KMT2E: variants seen among roughly 807,000 people sequenced by gnomAD.
KMT2E encodes lysine methyltransferase 2E (inactive).
KMT2E carries 30 observed loss-of-function variants against 184.6 expected under a neutral mutation model. That is an observed-to-expected ratio of 0.16 (90% CI 0.12 to 0.22). The LOEUF (loss-of-function observed/expected upper bound fraction) is 0.22, where lower values mean the gene tolerates loss of function less well. Ranked by LOEUF, KMT2E falls within the 10% of genes least tolerant of loss-of-function variation. The pLI, the probability that KMT2E is intolerant of heterozygous loss-of-function variation, is 1.00. For synonymous variants in KMT2E, 815 were observed against 776.5 expected (o/e 1.05, Z -0.82); for missense variants, 2,023 against 2,237.4 (o/e 0.90, Z 1.93).
intron 6 of KMT2E, among the ~76,000 whole-genome samples, chr7:105,069,053 A>G (rs1445344110): frequency 6.6e-6 from 1 of 152,162 alleles, no homozygotes; most frequent in Non-Finnish European, 1.5e-5. Flanking sequence ...CTTCATGGCA[A>G]AGAAGATATC....
At chr7:105,057,743 C>T (rs549840906) in intron 3 of KMT2E, among the ~76,000 whole-genome samples, 26 of 152,264 alleles carry the variant, frequency 1.7e-4, no homozygotes, top group African/African-American at 5.1e-4. Context: ...TGAGCCACTG[C>T]GCCCAGCCTC....
rs992371359 is a variant in KMT2E, at chr7:105,099,322, A to G, written c.1723-2103A>G. 5.9e-5 allele frequency among the ~76,000 whole-genome samples: 9 copies of G among 152,336 alleles called. No homozygotes were observed. In the East Asian group the frequency reaches 1.2e-3, roughly 20 times the overall value. Reference sequence around the variant, plus strand: ...AAACCAGGAAACCTGCATAACCTGCATAGTAATTATGGCTCTGCTTTTGAA... The same window carrying G: ...AAACCAGGAAACCTGCATAACCTGCGTAGTAATTATGGCTCTGCTTTTGAA... On this transcript the variant is annotated intron_variant, in intron 15 of 26. Transcript: ENST00000311117.
Position 105,112,787 on chromosome 7 carries a change from A to ACCG in KMT2E, c.5033_5034insGCC (p.Pro1684dup). On this transcript the variant is annotated inframe_insertion, in exon 27 of 27. Coordinates refer to ENST00000311117, the MANE Select transcript of KMT2E (RefSeq NM_182931.3). ...ATTCTCAAACTGCTGGACACCACTT[A>ACCG]CCCCCACCCCCACCCCCTCCTGGTC... The ACCG allele has an allele frequency of 1.4e-6, 2 of 1,462,798 alleles. No individual in the cohort carries two copies. The highest frequency in any genetic ancestry group is 1.9e-6 in the Non-Finnish European group (2 of 1,080,390). 90.6% of individuals were successfully genotyped at this position (1,462,798 alleles called of 1,614,324 possible).
At chr7:105,091,858 C>T (rs1035305965) in intron 15 of KMT2E, among the ~76,000 whole-genome samples, 5 of 152,070 alleles carry the variant, frequency 3.3e-5, no homozygotes, top group Admixed American at 3.3e-4. Flanking sequence ...AAAATTAGGA[C>T]AGGATATTTT....
intron 3 of KMT2E, chr7:105,061,844 T>A (rs1284420816): frequency 5.0e-6 from 1 of 199,462 alleles, no homozygotes; most frequent in Admixed American, 5.7e-5. Context: ...TTCTACTACT[T>A]CTTTGCACCC....
intron 1 of KMT2E, among the ~76,000 whole-genome samples, chr7:105,017,629 C>T (rs1794774097): frequency 6.6e-6 from 1 of 151,592 alleles, no homozygotes; most frequent in South Asian, 2.1e-4. Context: ...ATTTTTGTTC[C>T]CAGAGAGTTT....
intron 7 of KMT2E, 32 bp downstream of exon 7, chr7:105,073,709 T>C (rs746995762): frequency 7.4e-6 from 10 of 1,344,814 alleles, no homozygotes; most frequent in Non-Finnish European, 9.6e-6. Flanking sequence ...TAAATTAAAA[T>C]TCGTGTGATT....
At chr7:105,077,539 C>A in intron 11 of KMT2E, 106 bp downstream of exon 11, 1 of 829,028 alleles carries the variant, frequency 1.2e-6, no homozygotes, top group Non-Finnish European at 1.9e-6. Flanking sequence ...CCTACATGAT[C>A]ATTTCAGTAT....
rs1796917049 is a variant in KMT2E at position 105,063,804 on chromosome 7, T to G, written c.416+224T>G. 4 of 525,928 alleles carry G rather than the reference T, an allele frequency of 7.6e-6. No individual in the cohort carries two copies. In the Admixed American group the frequency reaches 1.4e-4, roughly 19 times the overall value. 32.6% of individuals were successfully genotyped at this position (525,928 alleles called of 1,614,324 possible). ...AATAGACAGTCAGTTCTGAACTTTTTTTCATGTAGGATCACATTTTTCTGT... is the reference window on the plus strand; with the variant it reads ...AATAGACAGTCAGTTCTGAACTTTTGTTCATGTAGGATCACATTTTTCTGT... On this transcript the variant is annotated intron_variant, in intron 5 of 26. Coordinates refer to ENST00000311117, the MANE Select transcript of KMT2E (RefSeq NM_182931.3).
chr7:105,056,191 G>A (rs113945035), intron 3 of KMT2E, among the ~76,000 whole-genome samples: 1,907 of 151,806 alleles, frequency 0.013, 14 homozygotes, highest in Non-Finnish European at 0.02. Flanking sequence ...TTGGAGCTAG[G>A]AAAAAAAATT....
Position 105,112,581 on chromosome 7 carries a change from T to A in KMT2E, c.4825T>A (p.Phe1609Ile). 6.2e-7 allele frequency: 1 copy of A among 1,613,946 alleles called. No homozygotes were observed. The highest frequency in any genetic ancestry group is 8.5e-7 in the Non-Finnish European group (1 of 1,179,974). The change falls in exon 27 of 27, where the codon TTT becomes ATT. Residue 1609 changes from phenylalanine (F) to isoleucine (I), a missense_variant. Phe to Ile is a conservative substitution (Grantham distance 21, BLOSUM62 0). Coordinates refer to ENST00000311117, the MANE Select transcript of KMT2E (RefSeq NM_182931.3). Reference protein sequence around the residue: ...VPGHHVTPGHFLPSQNPTIHH... With the variant: ...VPGHHVTPGHILPSQNPTIHH... ...AGGACACCACGTGACTCCAGGGCAT[T>A]TTTTGCCCTCTCAGAACCCTACCAT... is the stretch of plus-strand genomic sequence containing the variant.
chr7:105,106,185 A>G lies in KMT2E; in HGVS notation c.2596+182A>G, dbSNP rs543272753. ...AAGATACCAGTTCACAATACCACGT[A>G]TGCTGGGGTTTATGAATATTTAAAG... is the stretch of plus-strand genomic sequence containing the variant. On this transcript the variant is annotated intron_variant, in intron 19 of 26. Coordinates refer to ENST00000311117, the MANE Select transcript of KMT2E (RefSeq NM_182931.3). Among the ~76,000 whole-genome samples the G allele has an allele frequency of 6.6e-5, 10 of 152,300 alleles. No individual in the cohort carries two copies. In the East Asian group the frequency reaches 1.9e-3, roughly 29 times the overall value.
chr7:105,095,257 C>G (rs1229422633), intron 15 of KMT2E, among the ~76,000 whole-genome samples: 1 of 152,032 alleles, frequency 6.6e-6, no homozygotes, highest in Non-Finnish European at 1.5e-5. Context: ...CTAGGTAATA[C>G]ATGTTTATAT....
intron 15 of KMT2E, among the ~76,000 whole-genome samples, chr7:105,101,104 TAAGAG>T (rs1798637605): frequency 2.0e-5 from 3 of 152,206 alleles, no homozygotes; most frequent in Admixed American, 6.5e-5. Context: ...TCTGTATTAT[TAAGAG>T]AAAAGATTTT....
In KMT2E at chr7:105,112,910, C is replaced by T. The variant is rs200060622; in HGVS notation, c.5154C>T (p.Pro1718=). 192 of 1,613,606 alleles carry T rather than the reference C, an allele frequency of 1.2e-4. No individual in the cohort carries two copies. In the East Asian group the frequency reaches 4.1e-3, roughly 34 times the overall value. ...TTGTAAATTCAGCACCCCCACCACC[C>T]CCTCCGCCGCCACCTTCCAGTGTTT... The part of the protein sequence containing the change: ...QHVVNSAPPP[P]PPPPPSSVLA... The change falls in exon 27 of 27, where the codon CCC becomes CCT. Residue 1718 remains proline, a synonymous_variant. Coordinates refer to ENST00000311117, the MANE Select transcript of KMT2E (RefSeq NM_182931.3).
At chr7:105,110,743 C>T (rs183731530) in intron 25 of KMT2E, 28 bp from the exon 26 acceptor site, 1 of 1,597,336 alleles carries the variant, frequency 6.3e-7, no homozygotes, top group Admixed American at 1.7e-5. Flanking sequence ...TAATTTTATA[C>T]TTACTATAGG....
chr7:105,101,888 A>G lies in KMT2E; in HGVS notation c.1890A>G (p.Glu630=), dbSNP rs777836384. The G allele has an allele frequency of 6.2e-7, 1 of 1,606,062 alleles. No individual in the cohort carries two copies. Among genetic ancestry groups the G allele is most frequent in the Non-Finnish European group, 8.5e-7 (1 of 1,177,682 alleles). The stretch of plus-strand genomic sequence containing the variant: ...CATTCGCTTGTATTTTGAATTAGGA[A>G]CAAGCAAAAGAAGAAAATGCTAGCA... ...QIVSDAEVIQ[E]QAKEENASKP... is the part of the protein sequence containing the mutation. The change falls in exon 17 of 27, where the codon GAA becomes GAG. Residue 630 remains glutamate (E), a splice_region_variant and synonymous_variant. Coordinates refer to ENST00000311117, the MANE Select transcript of KMT2E (RefSeq NM_182931.3).
chr7:105,026,244 T>C (rs1795173908), intron 1 of KMT2E, among the ~76,000 whole-genome samples: 2 of 152,186 alleles, frequency 1.3e-5, no homozygotes. Flanking sequence ...TTTAGTGTCT[T>C]GGAAATCTAA....
chr7:105,025,086 T>A (rs1292824125), intron 1 of KMT2E, among the ~76,000 whole-genome samples: 2 of 152,196 alleles, frequency 1.3e-5, no homozygotes, highest in East Asian at 3.8e-4. Context: ...GGAACGTGGC[T>A]TATTTACCTC....
Sources: allele counts gnomAD v4.1 joint callset (sites outside exome capture counted in the v4.1 genomes callset), GRCh38; gene constraint gnomAD v4.1.1; transcripts MANE v1.5; gene names NCBI Gene and HGNC (gene_info 2026-07-23, HGNC 2026-07-21).